The following FHIT variants were observed in gnomAD, a reference collection of about 807,000 sequenced individuals.
The protein encoded by FHIT is fragile histidine triad diadenosine triphosphatase.
In FHIT, 19 loss-of-function variants were observed where a neutral mutation model predicts 17.9. That is an observed-to-expected ratio of 1.06 (90% confidence interval 0.74 to 1.56). The LOEUF (loss-of-function observed/expected upper bound fraction) is 1.56, where lower values mean the gene tolerates loss of function less well. FHIT is among the 40% of genes most tolerant of loss of function. The probability of loss-of-function intolerance (pLI) is 0.00; values close to 1 mark genes in which losing one functional copy is unlikely to be tolerated. For missense variants in FHIT, 248 were observed against 189.2 expected (o/e 1.31, Z -1.82); for synonymous variants, 81 against 69.7 (o/e 1.16, Z -0.81).
At chr3:61,247,229 C>T (rs1368327090) in intron 1 of FHIT, among the ~76,000 whole-genome samples, 1 of 152,214 alleles carries the variant, frequency 6.6e-6, no homozygotes, top group Non-Finnish European at 1.5e-5. Flanking sequence ...TCTGCTGTTG[C>T]TGTGATCCTC....
At chr3:60,077,657 C>T (rs1010266957) in intron 5 of FHIT, 2 of 142,132 alleles carry the variant, frequency 1.4e-5, no homozygotes, top group Admixed American at 7.4e-5. Context: ...CCAGAGACTA[C>T]AGAATTAAAA....
Position 59,860,239 on chromosome 3 carries a change from C to G in FHIT, c.348+62107G>C, listed in dbSNP as rs576469811. On this transcript the variant is annotated intron_variant, in intron 8 of 9. Transcript: ENST00000492590. ...TCCTTCTTTGTTTTCTGAGAAGACCCTTTGTTGGGAAGAATTGATGATCAG... is the reference window on the plus strand; with the variant it reads ...TCCTTCTTTGTTTTCTGAGAAGACCGTTTGTTGGGAAGAATTGATGATCAG... Among the ~76,000 whole-genome samples, 3 of 152,196 alleles carry G rather than the reference C, an allele frequency of 2.0e-5. No homozygotes were observed. The South Asian group carries it at 6.2e-4, about 32-fold the overall frequency.
At chr3:60,448,474 A>G (rs993112742) in intron 5 of FHIT, among the ~76,000 whole-genome samples, 1 of 152,342 alleles carries the variant, frequency 6.6e-6, no homozygotes, top group Non-Finnish European at 1.5e-5. Flanking sequence ...CAAGGATATT[A>G]CATAAAATCT....
intron 5 of FHIT, among the ~76,000 whole-genome samples, chr3:60,279,914 C>A (rs963337801): frequency 1.3e-5 from 2 of 151,790 alleles, no homozygotes; most frequent in Non-Finnish European, 2.9e-5. Context: ...CACTTCTAGT[C>A]TCAGCTACTT....
At chr3:60,229,983 A>G (rs1324514805) in intron 5 of FHIT, among the ~76,000 whole-genome samples, 1 of 152,218 alleles carries the variant, frequency 6.6e-6, no homozygotes, top group African/African-American at 2.4e-5. Context: ...CCCTATCTCT[A>G]AAAAAGATAA....
chr3:60,038,508 TCTTTAA>T (rs1005316696), intron 5 of FHIT, among the ~76,000 whole-genome samples: 78 of 152,358 alleles, frequency 5.1e-4, no homozygotes, highest in Middle Eastern at 6.8e-3. Context: ...TGTACGTTTG[TCTTTAA>T]CTTTAATACT....
chr3:60,852,399 C>T (rs1312998605), intron 3 of FHIT, among the ~76,000 whole-genome samples: 5 of 152,114 alleles, frequency 3.3e-5, no homozygotes, highest in African/African-American at 4.8e-5. Context: ...TATGGATACA[C>T]ACATCCTACT....
chr3:60,376,037 CAGA>C (rs1037747249), intron 5 of FHIT, among the ~76,000 whole-genome samples: 12 of 152,260 alleles, frequency 7.9e-5, no homozygotes, highest in East Asian at 1.9e-4. Flanking sequence ...CATGCAGAAG[CAGA>C]AGAAGACAGC....
At chr3:60,261,177 T>C (rs1490520539) in intron 5 of FHIT, among the ~76,000 whole-genome samples, 1 of 152,122 alleles carries the variant, frequency 6.6e-6, no homozygotes, top group Non-Finnish European at 1.5e-5. Flanking sequence ...CTTATCCCTT[T>C]ACTTTCCTAA....
intron 5 of FHIT, among the ~76,000 whole-genome samples, chr3:60,474,391 C>T (rs2033241193): frequency 6.6e-6 from 1 of 152,166 alleles, no homozygotes; most frequent in Admixed American, 6.5e-5. Context: ...CCCCAAAGGG[C>T]TTCTGTCACA....
chr3:60,567,294 G>T (rs900341757), intron 4 of FHIT, among the ~76,000 whole-genome samples: 1 of 152,048 alleles, frequency 6.6e-6, no homozygotes, highest in East Asian at 1.9e-4. Context: ...AGAGCCCTCA[G>T]AAATAATGCC....
Position 61,023,740 on chromosome 3 carries a change from C to T in FHIT, c.-111+18307G>A, listed in dbSNP as rs189103041. ...CTTTGACAAACCTGACAAAAGCAAG[C>T]AATGGGGAAAGGAGTCCCTATTTAA... On this transcript the variant is annotated intron_variant, in intron 3 of 9. Coordinates refer to ENST00000492590, the MANE Select transcript of FHIT (RefSeq NM_002012.4). 7.4e-3 allele frequency among the ~76,000 whole-genome samples: 1,134 copies of T among 152,254 alleles called. 13 individuals are homozygous for T. The highest frequency in any genetic ancestry group is 0.011 in the Non-Finnish European group (763 of 68,010).
At chr3:60,925,702 A>G (rs1707560934) in intron 3 of FHIT, among the ~76,000 whole-genome samples, 2 of 152,212 alleles carry the variant, frequency 1.3e-5, no homozygotes, top group Non-Finnish European at 2.9e-5. Flanking sequence ...TCAAATTCAC[A>G]CATAACAATA....
intron 4 of FHIT, among the ~76,000 whole-genome samples, chr3:60,622,628 G>A (rs908138927): frequency 1.3e-5 from 2 of 152,170 alleles, no homozygotes; most frequent in African/African-American, 2.4e-5. Flanking sequence ...TGGGCTGATT[G>A]GATGCATGCA....
At chr3:60,077,177 C>T (rs988835488) in intron 5 of FHIT, among the ~76,000 whole-genome samples, 1 of 151,768 alleles carries the variant, frequency 6.6e-6, no homozygotes, top group African/African-American at 2.4e-5. Context: ...AAGAGAGCAG[C>T]CTAAGGAGGA....
In FHIT at chr3:61,031,440, T is replaced by A. The variant is rs75194115; in HGVS notation, c.-111+10607A>T. 9.5e-3 allele frequency among the ~76,000 whole-genome samples: 1,448 copies of A among 152,192 alleles called. 24 individuals are homozygous for A. The highest frequency in any genetic ancestry group is 0.032 in the African/African-American group (1,334 of 41,498). On this transcript the variant is annotated intron_variant, in intron 3 of 9. Transcript: ENST00000492590. ...CAAAAGGTGGAACTCTGCTTGAGTG[T>A]CTCAACCTGAAAATTTGTTGATTAC...
chr3:60,968,843 C>A (rs1319571946), intron 3 of FHIT, among the ~76,000 whole-genome samples: 4 of 152,182 alleles, frequency 2.6e-5, no homozygotes, highest in Admixed American at 2.0e-4. Flanking sequence ...TATGGTTTCT[C>A]AGTTTTACTC....
At chr3:61,184,474 G>A (rs2038443953) in intron 2 of FHIT, among the ~76,000 whole-genome samples, 1 of 152,052 alleles carries the variant, frequency 6.6e-6, no homozygotes, top group East Asian at 1.9e-4. Flanking sequence ...CAAGGAGCAC[G>A]GGATCAAAAT....
intron 2 of FHIT, among the ~76,000 whole-genome samples, chr3:61,044,330 A>G (rs1316677965): frequency 6.6e-6 from 1 of 152,236 alleles, no homozygotes; most frequent in Non-Finnish European, 1.5e-5. Context: ...GAACTACATG[A>G]CACATGCACA....
Sources: allele counts gnomAD v4.1 joint callset (sites outside exome capture counted in the v4.1 genomes callset), GRCh38; gene constraint gnomAD v4.1.1; transcripts MANE v1.5; gene names NCBI Gene and HGNC (gene_info 2026-07-23, HGNC 2026-07-21).